The following SUCLG2 variants were observed in gnomAD, a reference collection of about 807,000 sequenced individuals.
SUCLG2 encodes succinate--CoA ligase [GDP-forming] subunit beta, mitochondrial.
SUCLG2 carries 42 observed loss-of-function variants against 47.9 expected under a neutral mutation model. The observed-to-expected ratio is 0.88, with a 90% confidence interval of 0.69 to 1.14. SUCLG2 has a LOEUF of 1.14. Ranked by LOEUF, SUCLG2 falls within the 50% of genes most tolerant of loss-of-function variation. The probability of loss-of-function intolerance (pLI) is 0.00; values close to 1 mark genes in which losing one functional copy is unlikely to be tolerated. For synonymous variants in SUCLG2, 195 were observed against 197.3 expected (o/e 0.99, Z 0.10); for missense variants, 571 against 525.9 (o/e 1.09, Z -0.84).
intron 2 of SUCLG2, among the ~76,000 whole-genome samples, chr3:67,558,295 A>G (rs1227823488): frequency 2.0e-5 from 3 of 151,910 alleles, no homozygotes; most frequent in African/African-American, 4.8e-5. Flanking sequence ...GTGCCTCATA[A>G]GAAACAATTA....
At chr3:67,466,601 G>T (rs1044332748) in intron 9 of SUCLG2, among the ~76,000 whole-genome samples, 1 of 152,188 alleles carries the variant, frequency 6.6e-6, no homozygotes, top group East Asian at 1.9e-4. Flanking sequence ...AAGCAGTCAT[G>T]CTATCAAGAT....
At chr3:67,595,512 G>C (rs771992226) in intron 2 of SUCLG2, among the ~76,000 whole-genome samples, 1 of 152,138 alleles carries the variant, frequency 6.6e-6, no homozygotes, top group Non-Finnish European at 1.5e-5. Context: ...GAGAAAGAGG[G>C]TGTGAAGAGA....
At position 67,532,188 on chromosome 3, in the gene SUCLG2, T is replaced by C. The variant is rs1706422412; in HGVS notation, c.227-3002A>G. Among the ~76,000 whole-genome samples the C allele has an allele frequency of 2.6e-5, 4 of 152,280 alleles. 1 individual carries two copies. The South Asian group carries it at 8.3e-4, about 32-fold the overall frequency. ...TCTCACTTTGTCACCCAGGCTGGAG[T>C]GCAGTGGTGTGATCTTGGCCCACTG... On this transcript the variant is annotated intron_variant, in intron 2 of 10. Coordinates refer to ENST00000307227, the MANE Select transcript of SUCLG2 (RefSeq NM_003848.4).
At position 67,375,869 on chromosome 3, in the gene SUCLG2, G is replaced by A. The variant is rs775468197; in HGVS notation, c.1184-10C>T. 2.8e-5 allele frequency: 45 copies of A among 1,611,648 alleles called. 1 individual carries two copies. Among genetic ancestry groups the A allele is most frequent in the Admixed American group, 6.7e-5 (4 of 59,756 alleles). ...TCTTGGACGTTGGTTCCTAGAAGGG[G>A]GACAGGGAACAATCACTGAATGAAA... On this transcript the variant is annotated splice_polypyrimidine_tract_variant and intron_variant, in intron 10 of 10. Coordinates refer to ENST00000307227, the MANE Select transcript of SUCLG2 (RefSeq NM_003848.4).
rs1010843928 is a variant in SUCLG2 at position 67,399,077 on chromosome 3, C to T, written c.1183+1654G>A. 6.7e-5 allele frequency among the ~76,000 whole-genome samples: 10 copies of T among 150,210 alleles called. 1 individual carries two copies. The highest frequency in any genetic ancestry group is 2.1e-4 in the South Asian group (1 of 4,748). Reference sequence around the variant, plus strand: ...AGGAGATATACCTAATGCTAAATGACGAGTTAATCGGTGCAGCACACCAGC... The same window carrying T: ...AGGAGATATACCTAATGCTAAATGATGAGTTAATCGGTGCAGCACACCAGC... On this transcript the variant is annotated intron_variant, in intron 10 of 10. Transcript: ENST00000307227.
intron 10 of SUCLG2, among the ~76,000 whole-genome samples, chr3:67,363,413 G>T (rs1701835171): frequency 6.6e-6 from 1 of 152,142 alleles, no homozygotes; most frequent in Non-Finnish European, 1.5e-5. Context: ...CTGACTGCCA[G>T]GATTTTCATC....
intron 1 of SUCLG2, among the ~76,000 whole-genome samples, chr3:67,630,456 G>A (rs1355553913): frequency 7.6e-6 from 1 of 131,766 alleles, no homozygotes; most frequent in Non-Finnish European, 1.7e-5. Context: ...TAAGCATTTA[G>A]TAAGTACTTA....
At chr3:67,417,289 C>T (rs61603523) in intron 9 of SUCLG2, among the ~76,000 whole-genome samples, 8,061 of 152,216 alleles carry the variant, frequency 0.053, 265 homozygotes, top group East Asian at 0.11. Flanking sequence ...CTAGAAAGTA[C>T]CACAGTAATT....
intron 4 of SUCLG2, among the ~76,000 whole-genome samples, chr3:67,523,552 T>C (rs1302184580): frequency 6.6e-6 from 1 of 152,212 alleles, no homozygotes; most frequent in Non-Finnish European, 1.5e-5. Context: ...CAAAAATACT[T>C]AGCCCTATTC....
intron 10 of SUCLG2, among the ~76,000 whole-genome samples, chr3:67,368,284 G>A (rs2106746135): frequency 1.3e-5 from 2 of 152,260 alleles, no homozygotes; most frequent in East Asian, 3.9e-4. Flanking sequence ...TATTCTTAAA[G>A]TTAAAAACCT....
intron 2 of SUCLG2, among the ~76,000 whole-genome samples, chr3:67,551,309 G>T (rs1328692935): frequency 6.6e-6 from 1 of 152,098 alleles, no homozygotes; most frequent in Non-Finnish European, 1.5e-5. Context: ...GATAGGATTC[G>T]CCTGCTACAA....
intron 2 of SUCLG2, among the ~76,000 whole-genome samples, chr3:67,543,458 GGA>G (rs1466761595): frequency 1.3e-5 from 2 of 152,186 alleles, no homozygotes; most frequent in Non-Finnish European, 2.9e-5. Flanking sequence ...CTTGAGCCCA[GGA>G]GTTCGAGACA....
chr3:67,611,420 A>G (rs532144840), intron 1 of SUCLG2, among the ~76,000 whole-genome samples: 3 of 152,230 alleles, frequency 2.0e-5, no homozygotes, highest in Non-Finnish European at 4.4e-5. Flanking sequence ...AGTAATTTGA[A>G]AAACACAAAA....
At chr3:67,406,304 T>C (rs1348751266) in intron 9 of SUCLG2, among the ~76,000 whole-genome samples, 1 of 152,212 alleles carries the variant, frequency 6.6e-6, no homozygotes, top group East Asian at 1.9e-4. Context: ...ATGTGCCCTG[T>C]GCTTGTAGGC....
At chr3:67,469,756 A>C (rs1305097741) in intron 9 of SUCLG2, among the ~76,000 whole-genome samples, 1 of 148,978 alleles carries the variant, frequency 6.7e-6, no homozygotes, top group Non-Finnish European at 1.5e-5. Flanking sequence ...TTTTTAAAAA[A>C]GATTATGGCC....
At chr3:67,505,617 T>C (rs1203982451) in intron 7 of SUCLG2, among the ~76,000 whole-genome samples, 2 of 152,062 alleles carry the variant, frequency 1.3e-5, no homozygotes, top group Non-Finnish European at 2.9e-5. Context: ...CCTGAATTAT[T>C]AAAAATAGCA....
chr3:67,536,975 A>G (rs1706561304), intron 2 of SUCLG2, among the ~76,000 whole-genome samples: 1 of 152,218 alleles, frequency 6.6e-6, no homozygotes, highest in South Asian at 2.1e-4. Context: ...CTATTGGGAA[A>G]ATAAATTTTA....
At chr3:67,592,935 A>C (rs1030737168) in intron 2 of SUCLG2, among the ~76,000 whole-genome samples, 1 of 152,170 alleles carries the variant, frequency 6.6e-6, no homozygotes, top group Non-Finnish European at 1.5e-5. Context: ...CTCATTTCCC[A>C]ATGTCCATGG....
intron 2 of SUCLG2, among the ~76,000 whole-genome samples, chr3:67,553,943 T>C (rs990827368): frequency 1.3e-5 from 2 of 152,220 alleles, no homozygotes; most frequent in African/African-American, 2.4e-5. Flanking sequence ...TTAATTATCA[T>C]GGGTTTCAGA....
Sources: gnomAD v4.1 joint callset for allele counts (sites outside exome capture counted in the v4.1 genomes callset) on GRCh38, gnomAD v4.1.1 for gene constraint, MANE v1.5 for transcripts, NCBI Gene and HGNC (gene_info 2026-07-23, HGNC 2026-07-21) for gene names.